Variants in HMCN1 observed in about 807,000 individuals in gnomAD.
HMCN1 encodes hemicentin-1.
In HMCN1, 321 loss-of-function variants were observed where a neutral mutation model predicts 625.9. The ratio of observed to expected loss-of-function variants is 0.51; its 90% confidence interval spans 0.47 to 0.56. HMCN1 has a LOEUF of 0.56. Ranked by LOEUF, HMCN1 falls within the 20% of genes least tolerant of loss-of-function variation. The pLI is 0.00. For missense variants in HMCN1, 6,588 were observed against 6,887.3 expected, an observed-to-expected ratio of 0.96 and a Z score of 1.54; for synonymous variants, 2,425 against 2,417.6, an observed-to-expected ratio of 1.00 and a Z score of -0.09.
rs774495759 is a variant in HMCN1, at chr1:186,166,314, A to C, written c.15439+11A>C. 5 of 1,614,068 alleles carry C rather than the reference A, an allele frequency of 3.1e-6. No homozygotes were observed. The highest frequency in any genetic ancestry group is 4.2e-6 in the Non-Finnish European group (5 of 1,179,988). Reference sequence around the variant, plus strand: ...GAAGAACTTGTCAAGGTATTCACAAATCTAATACACACATTTAAGCAATGG... The same window carrying C: ...GAAGAACTTGTCAAGGTATTCACAACTCTAATACACACATTTAAGCAATGG... On this transcript the variant is annotated intron_variant, in intron 99 of 106. Coordinates refer to ENST00000271588, the MANE Select transcript of HMCN1 (RefSeq NM_031935.3).
intron 104 of HMCN1, among the ~76,000 whole-genome samples, chr1:186,180,201 T>G (rs1652852081): frequency 6.6e-6 from 1 of 152,202 alleles, no homozygotes; most frequent in Non-Finnish European, 1.5e-5. Flanking sequence ...GTTCTGAGTT[T>G]TGGGAAATTT....
intron 44 of HMCN1, 52 bp from the exon 45 acceptor site, chr1:186,055,341 T>G: frequency 1.3e-6 from 2 of 1,558,046 alleles, no homozygotes; most frequent in Non-Finnish European, 1.8e-6. Context: ...TATGTAAGAC[T>G]TGAAGCAAAC....
intron 71 of HMCN1, among the ~76,000 whole-genome samples, chr1:186,109,742 A>G (rs1277736621): frequency 6.6e-6 from 1 of 152,228 alleles, no homozygotes; most frequent in East Asian, 1.9e-4. Context: ...ATTACAGGAA[A>G]AGGAAGGCTG....
chr1:186,099,129 T>A (rs1310954678), intron 68 of HMCN1, among the ~76,000 whole-genome samples: 1 of 152,044 alleles, frequency 6.6e-6, no homozygotes, highest in Non-Finnish European at 1.5e-5. Context: ...TACTATTGTA[T>A]ATCTCAGAGT....
At chr1:185,870,015 C>T (rs1287023038) in intron 4 of HMCN1, among the ~76,000 whole-genome samples, 1 of 147,720 alleles carries the variant, frequency 6.8e-6, no homozygotes, top group Admixed American at 6.7e-5. Context: ...GTTTTTACTG[C>T]GTTCTGTTTT....
At chr1:186,060,867 TA>T (rs1657642934) in intron 46 of HMCN1, among the ~76,000 whole-genome samples, 1 of 152,144 alleles carries the variant, frequency 6.6e-6, no homozygotes, top group East Asian at 1.9e-4. Context: ...AATGGAAAAC[TA>T]GGACTCTTTT....
chr1:185,891,798 C>G lies in HMCN1; in HGVS notation c.622-17539C>G, dbSNP rs1665105941. 2.7e-5 allele frequency among the ~76,000 whole-genome samples: 4 copies of G among 147,874 alleles called. 1 individual carries two copies. Among genetic ancestry groups the G allele is most frequent in the Admixed American group, 1.3e-4 (2 of 15,210 alleles). ...CTGACAATTATGTGTCTTGGAGTTGCTCTTCTCGAGGAGTATCTTTGTGGC... is the reference window on the plus strand; with the variant it reads ...CTGACAATTATGTGTCTTGGAGTTGGTCTTCTCGAGGAGTATCTTTGTGGC... On this transcript the variant is annotated intron_variant, in intron 4 of 106. Transcript: ENST00000271588.
chr1:185,813,593 G>A (rs1029653720), intron 1 of HMCN1, among the ~76,000 whole-genome samples: 26 of 152,222 alleles, frequency 1.7e-4, no homozygotes, highest in African/African-American at 6.0e-4. Context: ...GTATTCCAAT[G>A]CTGAATAACA....
intron 71 of HMCN1, among the ~76,000 whole-genome samples, chr1:186,108,992 C>G (rs1660753992): frequency 6.6e-6 from 1 of 152,194 alleles, no homozygotes; most frequent in South Asian, 2.1e-4. Flanking sequence ...TTTCCCTTGT[C>G]TAAGCTTGGA....
chr1:186,017,895 C>A (rs965446109), intron 33 of HMCN1, among the ~76,000 whole-genome samples: 1 of 151,922 alleles, frequency 6.6e-6, no homozygotes, highest in Non-Finnish European at 1.5e-5. Flanking sequence ...TATCCATCAC[C>A]TCAAGCATTT....
chr1:185,964,927 G>T (rs1650295572), intron 13 of HMCN1, among the ~76,000 whole-genome samples: 2 of 151,854 alleles, frequency 1.3e-5, no homozygotes, highest in African/African-American at 4.8e-5. Flanking sequence ...GATAAGTGAG[G>T]AACTGTAACA....
At chr1:185,909,948 G>A (rs1435743785) in intron 5 of HMCN1, among the ~76,000 whole-genome samples, 1 of 151,856 alleles carries the variant, frequency 6.6e-6, no homozygotes, top group African/African-American at 2.4e-5. Flanking sequence ...GAAGATATTT[G>A]TTAAAAACCA....
At chr1:185,895,177 C>T (rs1030555020) in intron 4 of HMCN1, among the ~76,000 whole-genome samples, 1 of 152,186 alleles carries the variant, frequency 6.6e-6, no homozygotes, top group Non-Finnish European at 1.5e-5. Context: ...AACATTTGAA[C>T]CTCACCGATG....
At chr1:186,151,863 T>A (rs1650688487) in intron 95 of HMCN1, 120 bp downstream of exon 95, 5 of 1,039,892 alleles carry the variant, frequency 4.8e-6, no homozygotes, top group Non-Finnish European at 7.2e-6. Flanking sequence ...ATCTTATAAG[T>A]GATATAAAAG....
chr1:186,080,209 T>C (rs1457334173), intron 55 of HMCN1, among the ~76,000 whole-genome samples: 1 of 152,214 alleles, frequency 6.6e-6, no homozygotes, highest in Non-Finnish European at 1.5e-5. Context: ...GAAATTCTAT[T>C]GTGTGCTTTG....
At chr1:185,995,118 G>T (rs2102044062) in intron 24 of HMCN1, 31 bp downstream of exon 24, 1 of 1,604,502 alleles carries the variant, frequency 6.2e-7, no homozygotes, top group Non-Finnish European at 8.5e-7. Flanking sequence ...ATATATGTAT[G>T]TAGGGTGGGG....
intron 6 of HMCN1, among the ~76,000 whole-genome samples, chr1:185,912,680 T>C (rs1401299142): frequency 6.6e-6 from 1 of 152,026 alleles, no homozygotes; most frequent in Admixed American, 6.6e-5. Flanking sequence ...TTAACACCCC[T>C]CGGGAGCAGC....
intron 16 of HMCN1, among the ~76,000 whole-genome samples, chr1:185,978,573 A>G (rs1338775559): frequency 6.6e-6 from 1 of 152,218 alleles, no homozygotes; most frequent in East Asian, 1.9e-4. Context: ...CAGAGGAGGA[A>G]AAGCATTTAG....
At chr1:185,813,949 G>T (rs993883189) in intron 1 of HMCN1, among the ~76,000 whole-genome samples, 1 of 152,160 alleles carries the variant, frequency 6.6e-6, no homozygotes, top group Non-Finnish European at 1.5e-5. Flanking sequence ...ATAGGATATG[G>T]AGTTCACTTA....
Sources: allele counts gnomAD v4.1 joint callset (sites outside exome capture counted in the v4.1 genomes callset), GRCh38; gene constraint gnomAD v4.1.1; transcripts MANE v1.5; gene names NCBI Gene and HGNC (gene_info 2026-07-23, HGNC 2026-07-21).